The following FAF1 variants were observed in gnomAD, a reference collection of about 807,000 sequenced individuals.
FAF1 encodes the protein FAS-associated factor 1.
In FAF1, 25 loss-of-function variants were observed where a neutral mutation model predicts 92.5. The observed-to-expected ratio is 0.27, with a 90% CI of 0.20 to 0.38. The LOEUF (loss-of-function observed/expected upper bound fraction) is 0.38. Among genes scored for constraint, FAF1 ranks in the 10% least tolerant of loss-of-function variants. The probability of loss-of-function intolerance (pLI) is 1.00; values close to 1 mark genes in which losing one functional copy is unlikely to be tolerated. For missense variants in FAF1, 636 were observed against 793.3 expected (o/e 0.80, Z 2.38); for synonymous variants, 234 against 273.2 (o/e 0.86, Z 1.42).
In FAF1 at chr1:50,460,808, A is replaced by ATGTG. The variant is rs61176999; in HGVS notation, c.1869+14652_1869+14655dup. 5.9e-3 allele frequency among the ~76,000 whole-genome samples: 862 copies of ATGTG among 147,012 alleles called. 10 individuals carry two copies. The highest frequency in any genetic ancestry group is 0.016 in the African/African-American group (664 of 40,270). On this transcript the variant is annotated intron_variant, in intron 18 of 18. Transcript: ENST00000396153. ...ACCATGCCCAGCTAAGTATTTGTAT[A>ATGTG]TGTGTGTGTGTGTGTGTGTGTGTGT...
At position 50,954,928 on chromosome 1, in the gene FAF1, G is replaced by A. The variant is rs558731177; in HGVS notation, c.45+4839C>T. On this transcript the variant is annotated intron_variant, in intron 1 of 18. Coordinates refer to ENST00000396153, the MANE Select transcript of FAF1 (RefSeq NM_007051.3). The stretch of plus-strand genomic sequence containing the variant: ...GGAAGCTGAGGTGAGAGGATCACTT[G>A]AGCCCAGAAGTTCAAAGGGGCAGTG... 1.8e-4 allele frequency among the ~76,000 whole-genome samples: 28 copies of A among 152,316 alleles called. 2 individuals are homozygous for A. The South Asian group carries it at 5.2e-3, about 28-fold the overall frequency.
chr1:50,834,278 A>G (rs764453455), intron 2 of FAF1, among the ~76,000 whole-genome samples: 11 of 152,134 alleles, frequency 7.2e-5, no homozygotes, highest in Non-Finnish European at 1.6e-4. Flanking sequence ...AGCCAATTAA[A>G]TTTCGTTTCT....
intron 7 of FAF1, among the ~76,000 whole-genome samples, chr1:50,679,018 C>T (rs1393820955): frequency 2.0e-5 from 3 of 152,044 alleles, no homozygotes; most frequent in African/African-American, 7.2e-5. Context: ...ACCCGGGAGG[C>T]GGAGGTTGCA....
At chr1:50,870,763 C>T (rs2124679730) in intron 1 of FAF1, among the ~76,000 whole-genome samples, 1 of 152,280 alleles carries the variant, frequency 6.6e-6, no homozygotes, top group East Asian at 1.9e-4. Flanking sequence ...TCTCTCTCCT[C>T]CTTGGGAGTC....
intron 6 of FAF1, among the ~76,000 whole-genome samples, chr1:50,714,347 T>TTA (rs1553131315): frequency 7.4e-6 from 1 of 134,616 alleles, no homozygotes; most frequent in African/African-American, 2.7e-5. Flanking sequence ...TACTAAAAAT[T>TTA]AAAAAAAAAA....
At chr1:50,459,352 G>T (rs1277696683) in intron 18 of FAF1, among the ~76,000 whole-genome samples, 1 of 151,888 alleles carries the variant, frequency 6.6e-6, no homozygotes, top group Non-Finnish European at 1.5e-5. Flanking sequence ...CACTGCCAGG[G>T]GCATTTTCTG....
intron 1 of FAF1, among the ~76,000 whole-genome samples, chr1:50,942,747 G>A (rs1037734301): frequency 7.1e-6 from 1 of 140,260 alleles, no homozygotes; most frequent in African/African-American, 2.6e-5. Flanking sequence ...AGTTGTCGTT[G>A]TTTTTTTTTT....
chr1:50,629,264 C>A (rs577750823), intron 8 of FAF1, among the ~76,000 whole-genome samples: 1 of 151,214 alleles, frequency 6.6e-6, no homozygotes, highest in African/African-American at 2.4e-5. Context: ...CCGCCTCCCG[C>A]GTTCAAGTGA....
intron 14 of FAF1, among the ~76,000 whole-genome samples, chr1:50,538,436 G>T (rs1648596162): frequency 6.6e-6 from 1 of 151,040 alleles, no homozygotes; most frequent in East Asian, 2.0e-4. Context: ...TGGCAATGAA[G>T]AATATGACTA....
chr1:50,647,773 C>T (rs1654660289), intron 8 of FAF1, among the ~76,000 whole-genome samples: 1 of 151,964 alleles, frequency 6.6e-6, no homozygotes, highest in Non-Finnish European at 1.5e-5. Context: ...GACTGAGATC[C>T]ATAGACATTA....
intron 4 of FAF1, among the ~76,000 whole-genome samples, chr1:50,755,780 A>G (rs1660051817): frequency 6.6e-6 from 1 of 152,198 alleles, no homozygotes; most frequent in Non-Finnish European, 1.5e-5. Flanking sequence ...GTGCACTTGC[A>G]GGCTCAACAC....
chr1:50,857,563 T>A (rs569861975), intron 2 of FAF1, among the ~76,000 whole-genome samples: 4 of 151,764 alleles, frequency 2.6e-5, no homozygotes, highest in Non-Finnish European at 5.9e-5. Context: ...TTAGAAAAGA[T>A]TAATTATCAG....
At chr1:50,929,717 T>C (rs562138323) in intron 1 of FAF1, among the ~76,000 whole-genome samples, 2 of 152,194 alleles carry the variant, frequency 1.3e-5, no homozygotes, top group Non-Finnish European at 2.9e-5. Flanking sequence ...TCTGGAAATA[T>C]AGTGGGAAAA....
intron 15 of FAF1, among the ~76,000 whole-genome samples, chr1:50,512,093 T>C (rs1457176655): frequency 6.6e-6 from 1 of 152,204 alleles, no homozygotes; most frequent in African/African-American, 2.4e-5. Context: ...TGGGGCTGTT[T>C]TTTTCTTGTT....
chr1:50,448,740 G>A (rs1285647226), intron 18 of FAF1, among the ~76,000 whole-genome samples: 1 of 152,148 alleles, frequency 6.6e-6, no homozygotes, highest in Non-Finnish European at 1.5e-5. Context: ...AACTTTTCCG[G>A]TAACAAAGGA....
At position 50,668,609 on chromosome 1, in the gene FAF1, G is replaced by A. The variant is rs78802074; in HGVS notation, c.658-13081C>T. On this transcript the variant is annotated intron_variant, in intron 7 of 18. Transcript: ENST00000396153. ...CTCCAAATGACAATTTAATTAAATCGTATCAAATGAATTGACACTATGAAA... is the reference window on the plus strand; with the variant it reads ...CTCCAAATGACAATTTAATTAAATCATATCAAATGAATTGACACTATGAAA... Among the ~76,000 whole-genome samples the A allele has an allele frequency of 2.9e-3, 448 of 152,202 alleles. 13 individuals carry two copies. In the East Asian group the frequency reaches 0.065, roughly 22 times the overall value.
chr1:50,547,016 G>A (rs962048470), intron 13 of FAF1, among the ~76,000 whole-genome samples: 1 of 152,020 alleles, frequency 6.6e-6, no homozygotes, highest in Non-Finnish European at 1.5e-5. Flanking sequence ...AGCCATTGGA[G>A]TAGCTGGGAC....
At chr1:50,795,259 T>G (rs189183117) in intron 3 of FAF1, among the ~76,000 whole-genome samples, 1 of 152,288 alleles carries the variant, frequency 6.6e-6, no homozygotes, top group Admixed American at 6.5e-5. Flanking sequence ...ATTTCCATCA[T>G]GGAGGGGGCA....
intron 2 of FAF1, among the ~76,000 whole-genome samples, chr1:50,852,779 A>G (rs1238595044): frequency 6.6e-6 from 1 of 152,120 alleles, no homozygotes; most frequent in African/African-American, 2.4e-5. Flanking sequence ...ACTTTTGGGG[A>G]CTGCTGTGAG....
Sources: allele counts gnomAD v4.1 joint callset (sites outside exome capture counted in the v4.1 genomes callset), GRCh38; gene constraint gnomAD v4.1.1; transcripts MANE v1.5; gene names NCBI Gene and HGNC (gene_info 2026-07-23, HGNC 2026-07-21).